The following CERS4 variants were observed in gnomAD, a reference collection of about 807,000 sequenced individuals.
CERS4 encodes ceramide synthase 4, also known as LAG1 homolog, ceramide synthase 4.
CERS4 carries 65 observed loss-of-function variants against 51.8 expected under a neutral mutation model. The ratio of observed to expected loss-of-function variants is 1.26; its 90% CI spans 1.03 to 1.54. CERS4 has a LOEUF of 1.54. CERS4 is among the 40% of genes most tolerant of loss of function. The pLI is 0.00. For missense variants in CERS4, 563 were observed against 500.4 expected (o/e 1.13, Z -1.19); for synonymous variants, 228 against 208.4 (o/e 1.09, Z -0.81).
intron 3 of CERS4, among the ~76,000 whole-genome samples, chr19:8,253,917 C>T (rs1000940739): frequency 1.3e-5 from 2 of 152,092 alleles, no homozygotes; most frequent in African/African-American, 4.8e-5. Flanking sequence ...AGCCAGGCCA[C>T]CCCTCCAGGG....
At chr19:8,236,696 A>G (rs946067760) in intron 2 of CERS4, among the ~76,000 whole-genome samples, 2 of 29,518 alleles carry the variant, frequency 6.8e-5, no homozygotes, top group South Asian at 1.5e-3. Flanking sequence ...AAAAAAAAAA[A>G]AAAAAGAAAG....
chr19:8,249,021 G>GTGGA (rs879848346), intron 2 of CERS4, among the ~76,000 whole-genome samples: 1 of 147,422 alleles, frequency 6.8e-6, no homozygotes, highest in Non-Finnish European at 1.5e-5. Context: ...GTTTGGATGG[G>GTGGA]TGGATGGATG....
chr19:8,212,537 C>A (rs886894984), intron 2 of CERS4, among the ~76,000 whole-genome samples: 7 of 151,964 alleles, frequency 4.6e-5, no homozygotes, highest in South Asian at 2.1e-4. Context: ...GAGTGGGTGG[C>A]AAGCTGGGAG....
At chr19:8,254,310 A>C (rs12976441) in intron 3 of CERS4, among the ~76,000 whole-genome samples, 189 bp from the exon 4 acceptor site, 17,151 of 97,038 alleles carry the variant, frequency 0.18, 1,442 homozygotes, top group Middle Eastern at 0.29. Flanking sequence ...GTGACAGTGC[A>C]ATACTCTGTC....
chr19:8,235,133 C>T (rs142519225), intron 2 of CERS4, among the ~76,000 whole-genome samples: 8 of 151,112 alleles, frequency 5.3e-5, no homozygotes, highest in Non-Finnish European at 1.0e-4. Flanking sequence ...CTCAGCCTCC[C>T]GAGTAGCTGG....
chr19:8,246,008 C>CAGGGGTTTGAGACCAGCCTGGATAA (rs1968771050), intron 2 of CERS4, among the ~76,000 whole-genome samples: 1 of 149,620 alleles, frequency 6.7e-6, no homozygotes. Context: ...TTGCTTGAGC[C>CAGGGGTTTGAGACCAGCCTGGATAA]CAGGAGGTCA....
Position 8,249,587 on chromosome 19 carries a change from A to ATTTTTTTT in CERS4, c.-1-1474_-1-1467dup, listed in dbSNP as rs869119452. On this transcript the variant is annotated intron_variant, in intron 2 of 11. Transcript: ENST00000251363. Reference sequence around the variant, plus strand: ...TAGATGGCCAGGAAAGGAACTCTGGATTTTTTTTTTTTTTTTTTTTTTGAG... The same window carrying ATTTTTTTT: ...TAGATGGCCAGGAAAGGAACTCTGGATTTTTTTTTTTTTTTTTTTTTTTTTTTTTTGAG... Among the ~76,000 whole-genome samples, 391 of 91,338 alleles carry ATTTTTTTT rather than the reference A, an allele frequency of 4.3e-3. 35 individuals carry two copies. Among genetic ancestry groups the ATTTTTTTT allele is most frequent in the African/African-American group, 6.7e-3 (156 of 23,334 alleles). 59.9% of individuals were successfully genotyped at this position (91,338 alleles called of 152,430 possible).
intron 8 of CERS4, 26 bp downstream of exon 8, chr19:8,256,736 A>G (rs7249582): frequency 2.5e-6 from 4 of 1,605,064 alleles, no homozygotes. Context: ...AGTCTGGAAG[A>G]CCCAGTCTCT....
chr19:8,215,102 A>G (rs1243790355), intron 2 of CERS4, among the ~76,000 whole-genome samples: 3 of 151,880 alleles, frequency 2.0e-5, no homozygotes, highest in African/African-American at 4.8e-5. Flanking sequence ...AGGAGCCAGG[A>G]CGTTCTCAGA....
intron 2 of CERS4, among the ~76,000 whole-genome samples, chr19:8,240,296 C>T (rs1169006581): frequency 6.6e-6 from 1 of 152,072 alleles, no homozygotes; most frequent in Non-Finnish European, 1.5e-5. Flanking sequence ...GAACCTTGAA[C>T]TTGGGGTCCA....
Position 8,221,890 on chromosome 19 carries a change from T to TTG in CERS4, c.-2+11029_-2+11030insGT, listed in dbSNP as rs1568501297. On this transcript the variant is annotated intron_variant, in intron 2 of 11. Coordinates refer to ENST00000251363, the MANE Select transcript of CERS4 (RefSeq NM_024552.3). ...TTTTTATGTTTTTTTTTTTTTTTTT[T>TTG]TTTTTTTTTGAGACAGAGGCTTGCT... 2.5e-5 allele frequency among the ~76,000 whole-genome samples: 3 copies of TTG among 119,108 alleles called. No homozygotes were observed. The East Asian group carries it at 6.9e-4, about 27-fold the overall frequency. 78.1% of individuals were successfully genotyped at this position (119,108 alleles called of 152,430 possible). A position where few individuals can be genotyped will look rare whatever the true frequency, so the allele number is the denominator to read the frequency against.
chr19:8,256,838 T>TGGGCCCAGAGGCCAC (rs1440201085), intron 8 of CERS4, 111 bp from the exon 9 acceptor site: 1 of 1,586,962 alleles, frequency 6.3e-7, no homozygotes, highest in African/African-American at 1.3e-5. Context: ...ATAGAGGCCA[T>TGGGCCCAGAGGCCAC]GGGCCCAGAG....
At chr19:8,232,723 C>CTT (rs71165298) in intron 2 of CERS4, among the ~76,000 whole-genome samples, 15 of 138,558 alleles carry the variant, frequency 1.1e-4, no homozygotes, top group African/African-American at 2.4e-4. Context: ...TTATTTAAAC[C>CTT]TTTTTTTTTT....
At chr19:8,256,846 G>A (rs1969412805) in intron 8 of CERS4, 103 bp from the exon 9 acceptor site, 2 of 1,593,736 alleles carry the variant, frequency 1.3e-6, no homozygotes, top group Admixed American at 1.7e-5. Flanking sequence ...CATGGGCCCA[G>A]AGGCCACACC....
chr19:8,253,308 G>A (rs1209660113), intron 3 of CERS4, among the ~76,000 whole-genome samples: 6 of 152,240 alleles, frequency 3.9e-5, no homozygotes, highest in Admixed American at 2.6e-4. Flanking sequence ...CTAGACTGGC[G>A]GGGGGTCAGA....
chr19:8,237,549 C>CA (rs1439248236), intron 2 of CERS4, among the ~76,000 whole-genome samples: 4 of 151,184 alleles, frequency 2.6e-5, no homozygotes, highest in Admixed American at 6.6e-5. Flanking sequence ...GACTGCATCT[C>CA]AAAAAAACAG....
In CERS4 at chr19:8,256,303, G is replaced by A; in HGVS notation, c.519+17G>A. ...CCAAACCAGGTGAGTGGCAGAGTGT[G>A]TGTGAATGCTTGGAGGGTGAGGGCG... On this transcript the variant is annotated intron_variant, in intron 7 of 11. Transcript: ENST00000251363. 1 of 1,613,128 alleles carries A rather than the reference G, an allele frequency of 6.2e-7. No individual in the cohort carries two copies. Among genetic ancestry groups the A allele is most frequent in the African/African-American group, 1.3e-5 (1 of 75,014 alleles).
intron 2 of CERS4, among the ~76,000 whole-genome samples, chr19:8,241,185 C>A (rs954729549): frequency 5.9e-5 from 9 of 152,300 alleles, no homozygotes; most frequent in Non-Finnish European, 1.2e-4. Flanking sequence ...ACCTCAGATG[C>A]TGGAAACCGT....
chr19:8,250,123 T>C (rs1284185640), intron 2 of CERS4, among the ~76,000 whole-genome samples: 6 of 151,578 alleles, frequency 4.0e-5, no homozygotes, highest in African/African-American at 1.5e-4. Context: ...TATAGGCGCC[T>C]GCCACCACGC....
Sources: gnomAD v4.1 joint callset for allele counts (sites outside exome capture counted in the v4.1 genomes callset) on GRCh38, gnomAD v4.1.1 for gene constraint, MANE v1.5 for transcripts, NCBI Gene and HGNC (gene_info 2026-07-23, HGNC 2026-07-21) for gene names.